Variants in SLC9A9 observed in about 807,000 individuals in gnomAD.
The protein encoded by SLC9A9 is sodium/hydrogen exchanger 9.
SLC9A9 carries 62 observed loss-of-function variants against 77.8 expected under a neutral mutation model. The observed-to-expected ratio is 0.80, with a 90% CI of 0.65 to 0.98. The LOEUF (loss-of-function observed/expected upper bound fraction) is 0.98. Among genes scored for constraint, SLC9A9 ranks in the 50% least tolerant of loss-of-function variants. The pLI, the probability that SLC9A9 is intolerant of heterozygous loss-of-function variation, is 0.00. For synonymous variants in SLC9A9, 320 were observed against 283.5 expected, an observed-to-expected ratio of 1.13 and a Z score of -1.29; for missense variants, 775 against 774.9, an observed-to-expected ratio of 1.00 and a Z score of 0.00.
At chr3:143,400,720 CAAAA>C (rs36147058) in intron 12 of SLC9A9, among the ~76,000 whole-genome samples, 41,703 of 137,440 alleles carry the variant, frequency 0.3, 7,157 homozygotes, top group Middle Eastern at 0.46. Flanking sequence ...TGAATTTATG[CAAAA>C]AAAAAAAAAA....
At chr3:143,617,191 C>A (rs191734668) in intron 6 of SLC9A9, among the ~76,000 whole-genome samples, 2 of 152,176 alleles carry the variant, frequency 1.3e-5, no homozygotes, top group African/African-American at 2.4e-5. Flanking sequence ...AGAGAAGTAT[C>A]AGATATCTTA....
At chr3:143,796,994 C>T (rs1209285106) in intron 2 of SLC9A9, 91 bp from the exon 3 acceptor site, 4 of 1,053,106 alleles carry the variant, frequency 3.8e-6, no homozygotes, top group Non-Finnish European at 4.3e-6. Context: ...ATTGCTTTTG[C>T]TAAGCCTTTG....
intron 4 of SLC9A9, among the ~76,000 whole-genome samples, chr3:143,787,765 T>C (rs779159204): frequency 2.0e-5 from 3 of 152,060 alleles, no homozygotes; most frequent in Admixed American, 2.0e-4. Flanking sequence ...GTCTCCTTAG[T>C]GCTCATATGT....
intron 9 of SLC9A9, among the ~76,000 whole-genome samples, chr3:143,549,353 G>A (rs2036842313): frequency 6.6e-6 from 1 of 152,126 alleles, no homozygotes; most frequent in African/African-American, 2.4e-5. Flanking sequence ...AGATATGCAA[G>A]TATGTATAAA....
intron 14 of SLC9A9, among the ~76,000 whole-genome samples, chr3:143,348,953 C>T (rs1409132652): frequency 1.3e-5 from 2 of 152,226 alleles, no homozygotes; most frequent in Non-Finnish European, 2.9e-5. Context: ...GAACTTCTGA[C>T]TCCTAATCTT....
chr3:143,334,675 A>C (rs561244484), intron 14 of SLC9A9, among the ~76,000 whole-genome samples: 2 of 152,360 alleles, frequency 1.3e-5, no homozygotes, highest in Admixed American at 6.5e-5. Context: ...CTCAGTAATA[A>C]TATTCTGATT....
intron 2 of SLC9A9, among the ~76,000 whole-genome samples, chr3:143,827,772 G>A (rs1340893022): frequency 1.3e-5 from 2 of 152,128 alleles, no homozygotes; most frequent in African/African-American, 4.8e-5. Flanking sequence ...TTTTCTAAGA[G>A]TAAAACCCAT....
chr3:143,655,216 G>A (rs913182982), intron 5 of SLC9A9, among the ~76,000 whole-genome samples: 12 of 152,150 alleles, frequency 7.9e-5, no homozygotes, highest in African/African-American at 2.7e-4. Flanking sequence ...AATCTTACAC[G>A]CAATGTCCAA....
intron 14 of SLC9A9, among the ~76,000 whole-genome samples, chr3:143,358,103 G>T (rs1364611888): frequency 6.7e-6 from 1 of 149,544 alleles, no homozygotes; most frequent in African/African-American, 2.5e-5. Flanking sequence ...GTATCATTTT[G>T]AATGCCCCTG....
intron 9 of SLC9A9, among the ~76,000 whole-genome samples, chr3:143,524,876 T>C (rs2036378034): frequency 1.3e-5 from 2 of 152,212 alleles, no homozygotes; most frequent in Admixed American, 6.5e-5. Flanking sequence ...TCTTTGTACA[T>C]GTCTATTTCT....
intron 13 of SLC9A9, among the ~76,000 whole-genome samples, chr3:143,364,485 A>G (rs1319305448): frequency 1.3e-5 from 2 of 152,194 alleles, no homozygotes; most frequent in Non-Finnish European, 2.9e-5. Context: ...TAGTCTTCTG[A>G]GGATGTAATG....
chr3:143,747,131 C>T (rs1935213446), intron 4 of SLC9A9, among the ~76,000 whole-genome samples: 1 of 152,110 alleles, frequency 6.6e-6, no homozygotes, highest in South Asian at 2.1e-4. Context: ...GCAGGCCAGG[C>T]AGGGTGGCTC....
At chr3:143,610,300 C>T (rs1192259824) in intron 6 of SLC9A9, among the ~76,000 whole-genome samples, 1 of 152,102 alleles carries the variant, frequency 6.6e-6, no homozygotes, top group Non-Finnish European at 1.5e-5. Context: ...AAGCATGCCA[C>T]CACACCCAGT....
chr3:143,811,596 A>G, intron 2 of SLC9A9: 2 of 444,000 alleles, frequency 4.5e-6, no homozygotes, highest in Non-Finnish European at 9.0e-6. Context: ...CTATAATCCC[A>G]GTACTTTGGG....
chr3:143,482,543 A>G (rs1273115907), intron 11 of SLC9A9, among the ~76,000 whole-genome samples: 3 of 152,128 alleles, frequency 2.0e-5, no homozygotes, highest in Admixed American at 1.3e-4. Context: ...GTGCTTTCCT[A>G]AACTCCCTCC....
intron 8 of SLC9A9, among the ~76,000 whole-genome samples, chr3:143,555,887 C>T (rs1178924079): frequency 2.0e-5 from 3 of 152,140 alleles, no homozygotes; most frequent in African/African-American, 4.8e-5. Context: ...GCCCACATGA[C>T]CAGAGGCTTG....
intron 2 of SLC9A9, among the ~76,000 whole-genome samples, chr3:143,824,445 A>C (rs1310009506): frequency 6.6e-6 from 1 of 152,084 alleles, no homozygotes; most frequent in East Asian, 1.9e-4. Flanking sequence ...GCTCCGATTC[A>C]CCTCAGTGAG....
At chr3:143,464,854 A>T (rs1000501584) in intron 12 of SLC9A9, among the ~76,000 whole-genome samples, 7 of 152,108 alleles carry the variant, frequency 4.6e-5, no homozygotes, top group African/African-American at 1.7e-4. Flanking sequence ...TCTGCCCTGT[A>T]TCTATCTGTC....
At chr3:143,372,642 C>A (rs539096886) in intron 13 of SLC9A9, among the ~76,000 whole-genome samples, 1 of 152,012 alleles carries the variant, frequency 6.6e-6, no homozygotes, top group Non-Finnish European at 1.5e-5. Context: ...AATAAACTTA[C>A]GTGTAGCAAA....
Sources: gnomAD v4.1 joint callset for allele counts (sites outside exome capture counted in the v4.1 genomes callset) on GRCh38, gnomAD v4.1.1 for gene constraint, MANE v1.5 for transcripts, NCBI Gene and HGNC (gene_info 2026-07-23, HGNC 2026-07-21) for gene names.